KCNAB1: variants seen among roughly 807,000 people sequenced by gnomAD.
KCNAB1 encodes the protein voltage-gated potassium channel subunit beta-1.
Under a neutral mutation model 64.6 loss-of-function variants are expected in KCNAB1, and 35 were observed. That is an observed-to-expected ratio of 0.54 (90% CI 0.41 to 0.72). KCNAB1 has a LOEUF of 0.72. Ranked by LOEUF, KCNAB1 falls within the 30% of genes least tolerant of loss-of-function variation. The probability of loss-of-function intolerance (pLI) is 0.00; values close to 1 mark genes in which losing one functional copy is unlikely to be tolerated. For missense variants in KCNAB1, 401 were observed against 512.9 expected, an observed-to-expected ratio of 0.78 and a Z score of 2.11; for synonymous variants, 177 against 183.8, an observed-to-expected ratio of 0.96 and a Z score of 0.30.
At chr3:156,271,740 T>C (rs1215016504) in intron 1 of KCNAB1, among the ~76,000 whole-genome samples, 1 of 152,226 alleles carries the variant, frequency 6.6e-6, no homozygotes, top group Non-Finnish European at 1.5e-5. Context: ...CTAGATGGTC[T>C]TGATGCTTGT....
intron 1 of KCNAB1, among the ~76,000 whole-genome samples, chr3:156,354,073 GTA>G (rs1398980739): frequency 4.6e-4 from 62 of 135,598 alleles, no homozygotes; most frequent in Admixed American, 4.4e-4. Context: ...GTGTGTGTGT[GTA>G]TATATGTGTG....
At position 156,241,660 on chromosome 3, in the gene KCNAB1, C is replaced by G. The variant is rs1026876393; in HGVS notation, c.275+120774C>G. On this transcript the variant is annotated intron_variant, in intron 1 of 13. Coordinates refer to ENST00000490337, the MANE Select transcript of KCNAB1 (RefSeq NM_172160.3). ...TGCGTGCTTCTGTGGTGCTGCTCTT[C>G]TAGCATTTCCCTTCCCTAGCACCTG... Among the ~76,000 whole-genome samples the G allele has an allele frequency of 3.9e-5, 6 of 152,308 alleles. No individual in the cohort carries two copies. In the South Asian group the frequency reaches 1.0e-3, roughly 26 times the overall value.
In KCNAB1 at chr3:156,483,346, A is replaced by G. The variant is rs1236119085; in HGVS notation, c.658+8526A>G. ...GATTTCTGTGGCTAGAATGGGGGTC[A>G]CCAATGGGTGGCTGACTGAAGACTT... is the stretch of plus-strand genomic sequence containing the variant. On this transcript the variant is annotated intron_variant, in intron 8 of 13. Transcript: ENST00000490337. Among the ~76,000 whole-genome samples the G allele has an allele frequency of 4.6e-5, 7 of 152,226 alleles. No individual in the cohort carries two copies. In the East Asian group the frequency reaches 1.2e-3, roughly 25 times the overall value.
chr3:156,126,908 A>G (rs1253866572), intron 1 of KCNAB1, among the ~76,000 whole-genome samples: 2 of 152,238 alleles, frequency 1.3e-5, no homozygotes, highest in African/African-American at 2.4e-5. Flanking sequence ...AGGTCTTAGC[A>G]TCATTCCTGA....
intron 7 of KCNAB1, 65 bp from the exon 8 acceptor site, chr3:156,474,669 A>G: frequency 1.7e-6 from 2 of 1,190,346 alleles, no homozygotes; most frequent in South Asian, 1.3e-5. Flanking sequence ...GAAAGAAACC[A>G]AACTTCAACT....
At chr3:156,131,401 A>G (rs558050380) in intron 1 of KCNAB1, among the ~76,000 whole-genome samples, 1 of 152,348 alleles carries the variant, frequency 6.6e-6, no homozygotes, top group Admixed American at 6.5e-5. Context: ...CCTAATTTCA[A>G]AAAGAAACTT....
At chr3:156,236,806 A>G (rs1716875168) in intron 1 of KCNAB1, among the ~76,000 whole-genome samples, 1 of 152,050 alleles carries the variant, frequency 6.6e-6, no homozygotes, top group African/African-American at 2.4e-5. Context: ...CTGAAACTAG[A>G]ATTGTTTATT....
At chr3:156,315,611 T>A (rs1004806652) in intron 1 of KCNAB1, among the ~76,000 whole-genome samples, 10 of 152,152 alleles carry the variant, frequency 6.6e-5, no homozygotes, top group Non-Finnish European at 1.0e-4. Flanking sequence ...CTTTTTTTTT[T>A]AATTTCAATC....
chr3:156,207,198 C>T (rs1714720057), intron 1 of KCNAB1, among the ~76,000 whole-genome samples: 1 of 152,172 alleles, frequency 6.6e-6, no homozygotes, highest in Non-Finnish European at 1.5e-5. Context: ...ATGGGAATCC[C>T]CAGCAGGTGG....
intron 1 of KCNAB1, among the ~76,000 whole-genome samples, chr3:156,229,705 T>A (rs928693597): frequency 2.0e-5 from 3 of 152,130 alleles, no homozygotes; most frequent in African/African-American, 4.8e-5. Context: ...AGAGAGACAA[T>A]GGATTAACAC....
At chr3:156,472,115 T>A (rs1459484479) in intron 7 of KCNAB1, among the ~76,000 whole-genome samples, 2 of 152,076 alleles carry the variant, frequency 1.3e-5, no homozygotes, top group African/African-American at 2.4e-5. Context: ...CCACCTCCGG[T>A]TGGCTTTCCC....
At chr3:156,365,447 C>T (rs1330611887) in intron 1 of KCNAB1, among the ~76,000 whole-genome samples, 1 of 152,136 alleles carries the variant, frequency 6.6e-6, no homozygotes, top group Non-Finnish European at 1.5e-5. Flanking sequence ...TCTCTTTAGC[C>T]TCATAGAATG....
intron 1 of KCNAB1, among the ~76,000 whole-genome samples, chr3:156,362,358 A>G (rs1419012523): frequency 2.0e-5 from 3 of 152,230 alleles, no homozygotes; most frequent in African/African-American, 7.2e-5. Context: ...TGACATCTAT[A>G]CTGTGCTCAT....
In KCNAB1 at chr3:156,324,863, T is replaced by C. The variant is rs144370987; in HGVS notation, c.276-96753T>C. 2.7e-3 allele frequency among the ~76,000 whole-genome samples: 407 copies of C among 152,166 alleles called. 5 individuals carry two copies. Among genetic ancestry groups the C allele is most frequent in the African/African-American group, 9.3e-3 (388 of 41,530 alleles). On this transcript the variant is annotated intron_variant, in intron 1 of 13. Coordinates refer to ENST00000490337, the MANE Select transcript of KCNAB1 (RefSeq NM_172160.3). ...GGAATCCAGTTCTTGAGAGTGTGAG[T>C]ACAGGGGAGCTCCTTTTCTTATTAA...
At chr3:156,217,553 A>G (rs556499935) in intron 1 of KCNAB1, among the ~76,000 whole-genome samples, 2 of 152,366 alleles carry the variant, frequency 1.3e-5, no homozygotes, top group South Asian at 4.1e-4. Flanking sequence ...ATGGTTTAGT[A>G]TGAACAAAGA....
intron 13 of KCNAB1, among the ~76,000 whole-genome samples, chr3:156,534,580 A>G (rs921647195): frequency 2.0e-5 from 3 of 152,198 alleles, no homozygotes; most frequent in Non-Finnish European, 4.4e-5. Flanking sequence ...GCCGCTCTCA[A>G]CCACTCAGAG....
chr3:156,416,202 C>T (rs952873571), intron 1 of KCNAB1, among the ~76,000 whole-genome samples: 3 of 152,222 alleles, frequency 2.0e-5, no homozygotes, highest in Admixed American at 6.5e-5. Context: ...TTCTTACCTT[C>T]CTTCAACCCA....
At chr3:156,449,997 G>A (rs1387889562) in intron 2 of KCNAB1, among the ~76,000 whole-genome samples, 2 of 152,206 alleles carry the variant, frequency 1.3e-5, no homozygotes, top group African/African-American at 4.8e-5. Context: ...GCACCACAGT[G>A]CAAGTAAGCC....
At chr3:156,156,181 TAGGGCATTCCA>T (rs1313520846) in intron 1 of KCNAB1, among the ~76,000 whole-genome samples, 1 of 152,144 alleles carries the variant, frequency 6.6e-6, no homozygotes, top group African/African-American at 2.4e-5. Flanking sequence ...TTTTATTGGG[TAGGGCATTCCA>T]AGGGCTTAGA....
Sources: gnomAD v4.1 joint callset for allele counts (sites outside exome capture counted in the v4.1 genomes callset) on GRCh38, gnomAD v4.1.1 for gene constraint, MANE v1.5 for transcripts, NCBI Gene and HGNC (gene_info 2026-07-23, HGNC 2026-07-21) for gene names.